PVT1: variants seen among roughly 807,000 people sequenced by gnomAD.
The protein encoded by PVT1 is Pvt1 oncogene.
intron 2 of PVT1, among the ~76,000 whole-genome samples, chr8:127,827,290 C>A (rs1814801386): frequency 6.6e-6 from 1 of 152,088 alleles, no homozygotes; most frequent in Non-Finnish European, 1.5e-5. Flanking sequence ...GCCACCACAC[C>A]CGACCTAGCC....
At chr8:128,014,246 G>A (rs1358460149) in intron 4 of PVT1, among the ~76,000 whole-genome samples, 2 of 152,230 alleles carry the variant, frequency 1.3e-5, no homozygotes, top group South Asian at 2.1e-4. Context: ...CCAGACAGAC[G>A]ACATAGCTTT....
At chr8:127,851,782 C>T (rs1815109873) in intron 2 of PVT1, among the ~76,000 whole-genome samples, 1 of 152,148 alleles carries the variant, frequency 6.6e-6, no homozygotes, top group African/African-American at 2.4e-5. Context: ...CATGGTTTCT[C>T]CATGCAGGAG....
intron 2 of PVT1, among the ~76,000 whole-genome samples, chr8:127,801,041 T>C (rs1039120561): frequency 4.6e-5 from 7 of 152,006 alleles, no homozygotes; most frequent in Non-Finnish European, 1.5e-5. Context: ...TGGGAAGAGC[T>C]AGGACAGAGG....
In PVT1 at chr8:127,975,916, A is replaced by G. The variant is rs554410176; in HGVS notation, n.783-13246A>G. ...CTGCTTCACTCACCACATCCTGTGG[A>G]GCTGGAGGCTTCTCTAGCCCTGTTT... On this transcript the variant is annotated intron_variant and non_coding_transcript_variant, in intron 3 of 10. Coordinates refer to ENST00000651587, the Ensembl canonical transcript of PVT1. Among the ~76,000 whole-genome samples, 3 of 152,144 alleles carry G rather than the reference A, an allele frequency of 2.0e-5. No homozygotes were observed. In the South Asian group the frequency reaches 6.2e-4, roughly 32 times the overall value.
chr8:127,818,834 C>G (rs1470299247), intron 2 of PVT1, among the ~76,000 whole-genome samples: 1 of 152,106 alleles, frequency 6.6e-6, no homozygotes, highest in African/African-American at 2.4e-5. Context: ...TTTCCCAGAG[C>G]TGGCATGTGG....
At chr8:127,929,790 G>A (rs1247053374) in intron 3 of PVT1, among the ~76,000 whole-genome samples, 2 of 152,036 alleles carry the variant, frequency 1.3e-5, no homozygotes, top group African/African-American at 4.8e-5. Flanking sequence ...GAAGTGTCAA[G>A]GTCATGAGTG....
At chr8:127,836,855 C>T (rs867461781) in intron 2 of PVT1, among the ~76,000 whole-genome samples, 6 of 152,164 alleles carry the variant, frequency 3.9e-5, no homozygotes, top group Non-Finnish European at 4.4e-5. Flanking sequence ...GCCTGCACTG[C>T]ACCGAGAGGG....
chr8:127,877,760 C>CA (rs987301868), intron 2 of PVT1, among the ~76,000 whole-genome samples: 2 of 151,660 alleles, frequency 1.3e-5, no homozygotes, highest in Admixed American at 1.3e-4. Context: ...CCTCTCTCTA[C>CA]AAAAAAAATA....
intron 4 of PVT1, among the ~76,000 whole-genome samples, chr8:128,036,348 C>T (rs1813461773): frequency 6.6e-6 from 1 of 152,192 alleles, no homozygotes; most frequent in Admixed American, 6.5e-5. Flanking sequence ...GTATGTACCC[C>T]AGCACCTTCC....
At chr8:128,036,022 C>T (rs745481369) in intron 4 of PVT1, among the ~76,000 whole-genome samples, 6 of 152,214 alleles carry the variant, frequency 3.9e-5, no homozygotes, top group Non-Finnish European at 8.8e-5. Context: ...TGATTTGTTA[C>T]AGCAGCGAGA....
rs1320330197 is a variant in PVT1 at position 127,960,911 on chromosome 8, A to AT, written n.783-28245dup. 1.7e-4 allele frequency among the ~76,000 whole-genome samples: 18 copies of AT among 108,008 alleles called. 1 individual carries two copies. The Middle Eastern group carries it at 0.056, about 333-fold the overall frequency. The allele number at this position is 108,008 out of a possible 152,430, so 70.9% of individuals were successfully genotyped here. ...TTGGAAGTGCTCTTTTTCCTTAGAGATTTTTTGTTCTCTTGTGTGTGTGTT... is the reference window on the plus strand; with the variant it reads ...TTGGAAGTGCTCTTTTTCCTTAGAGATTTTTTTGTTCTCTTGTGTGTGTGTT... On this transcript the variant is annotated intron_variant and non_coding_transcript_variant, in intron 3 of 10. Coordinates refer to ENST00000651587, the Ensembl canonical transcript of PVT1.
At chr8:127,887,323 A>G (rs1815534629) in intron 2 of PVT1, among the ~76,000 whole-genome samples, 1 of 152,194 alleles carries the variant, frequency 6.6e-6, no homozygotes, top group Admixed American at 6.5e-5. Context: ...GGCTTGCTGA[A>G]TGTCCAGGTC....
intron 2 of PVT1, among the ~76,000 whole-genome samples, chr8:127,824,241 C>T (rs1814763333): frequency 6.6e-6 from 1 of 152,180 alleles, no homozygotes; most frequent in African/African-American, 2.4e-5. Flanking sequence ...TCTCAGTCAG[C>T]TTCTTTTACT....
chr8:127,935,042 C>T (rs1816255677), intron 3 of PVT1, among the ~76,000 whole-genome samples: 2 of 152,106 alleles, frequency 1.3e-5, no homozygotes, highest in African/African-American at 4.8e-5. Flanking sequence ...CGCTATCTCA[C>T]AGCAACCTCT....
At chr8:127,951,392 G>C (rs1255818329) in intron 3 of PVT1, among the ~76,000 whole-genome samples, 1 of 152,212 alleles carries the variant, frequency 6.6e-6, no homozygotes, top group African/African-American at 2.4e-5. Context: ...CTCAGGGGTA[G>C]GGCCCTGGGT....
chr8:128,077,243 GT>G (rs147862764), intron 5 of PVT1, among the ~76,000 whole-genome samples: 2,534 of 152,224 alleles, frequency 0.017, 59 homozygotes, highest in African/African-American at 0.058. Context: ...CCAGAACTTT[GT>G]TTTTTGCCCC....
At chr8:128,087,590 G>A (rs1160156015) in intron 5 of PVT1, among the ~76,000 whole-genome samples, 1 of 152,102 alleles carries the variant, frequency 6.6e-6, no homozygotes, top group Non-Finnish European at 1.5e-5. Flanking sequence ...AAACTCTTAA[G>A]CATAACTAAG....
At chr8:128,041,386 T>C (rs1813536759) in intron 4 of PVT1, among the ~76,000 whole-genome samples, 1 of 151,238 alleles carries the variant, frequency 6.6e-6, no homozygotes. Context: ...TGTGCATATG[T>C]GTATGTGTGT....
chr8:127,797,252 G>A (rs960443107), intron 2 of PVT1, among the ~76,000 whole-genome samples: 5 of 152,150 alleles, frequency 3.3e-5, no homozygotes, highest in East Asian at 1.9e-4. Context: ...AGCTGGTCTC[G>A]AACATCTGAC....
Sources: allele counts gnomAD v4.1 joint callset (sites outside exome capture counted in the v4.1 genomes callset), GRCh38; gene constraint gnomAD v4.1.1; transcripts MANE v1.5; gene names NCBI Gene and HGNC (gene_info 2026-07-23, HGNC 2026-07-21).